POLR3B: variants seen among roughly 807,000 people sequenced by gnomAD.
The protein encoded by POLR3B is RNA polymerase III subunit B.
In POLR3B, 96 loss-of-function variants were observed where a neutral mutation model predicts 147.4. The observed-to-expected ratio is 0.65, with a 90% CI of 0.55 to 0.77. POLR3B has a LOEUF of 0.77. Among genes scored for constraint, POLR3B ranks in the 30% least tolerant of loss-of-function variants. The pLI is 0.00. For synonymous variants in POLR3B, 461 were observed against 485.9 expected (o/e 0.95, Z 0.67); for missense variants, 1,036 against 1,413.5 (o/e 0.73, Z 4.28).
At chr12:106,396,886 G>A (rs2036986065) in intron 10 of POLR3B, among the ~76,000 whole-genome samples, 1 of 152,128 alleles carries the variant, frequency 6.6e-6, no homozygotes, top group South Asian at 2.1e-4. Context: ...GAGGCCAAGA[G>A]TTGGAGACCA....
intron 24 of POLR3B, 53 bp from the exon 25 acceptor site, chr12:106,496,695 CAGAG>C: frequency 6.9e-7 from 1 of 1,444,636 alleles, no homozygotes; most frequent in Non-Finnish European, 9.7e-7. Flanking sequence ...GATAAATAAG[CAGAG>C]AGAGTGCTTG....
intron 25 of POLR3B, 39 bp from the exon 26 acceptor site, chr12:106,501,284 C>T (rs530793206): frequency 1.5e-6 from 2 of 1,328,590 alleles, no homozygotes; most frequent in East Asian, 4.6e-5. Flanking sequence ...TTAGCCCAAA[C>T]TTAGTTTCTT....
At chr12:106,453,669 C>T (rs2037828405) in intron 19 of POLR3B, among the ~76,000 whole-genome samples, 1 of 152,208 alleles carries the variant, frequency 6.6e-6, no homozygotes, top group African/African-American at 2.4e-5. Flanking sequence ...GTCCACAAGC[C>T]GAGGAGACTG....
At chr12:106,489,001 T>C (rs2038376702) in intron 23 of POLR3B, among the ~76,000 whole-genome samples, 1 of 152,076 alleles carries the variant, frequency 6.6e-6, no homozygotes, top group African/African-American at 2.4e-5. Flanking sequence ...ACTCCTTTGA[T>C]GTGGAGAGAA....
intron 19 of POLR3B, among the ~76,000 whole-genome samples, chr12:106,446,614 TTGTC>T (rs2037728910): frequency 6.6e-6 from 1 of 152,152 alleles, no homozygotes; most frequent in African/African-American, 2.4e-5. Context: ...TTGCAATTCA[TTGTC>T]TGTGTTTTCT....
At chr12:106,459,026 TGTG>T (rs2037900229) in intron 21 of POLR3B, among the ~76,000 whole-genome samples, 1 of 145,338 alleles carries the variant, frequency 6.9e-6, no homozygotes, top group South Asian at 2.2e-4. Context: ...TAGACTATGA[TGTG>T]TGTGTGTGTG....
Position 106,410,976 on chromosome 12 carries a change from A to G in POLR3B, c.1101+16A>G. The G allele has an allele frequency of 1.2e-6, 2 of 1,606,208 alleles. No individual in the cohort carries two copies. The highest frequency in any genetic ancestry group is 1.7e-6 in the Non-Finnish European group (2 of 1,173,328). Reference sequence around the variant, plus strand: ...GGCAGGACAGGTGATTTAATATTTTATGTCAGAAATCTTGTTTTCCTTAAT... The same window carrying G: ...GGCAGGACAGGTGATTTAATATTTTGTGTCAGAAATCTTGTTTTCCTTAAT... On this transcript the variant is annotated intron_variant, in intron 12 of 27. Coordinates refer to ENST00000228347, the MANE Select transcript of POLR3B (RefSeq NM_018082.6).
intron 23 of POLR3B, among the ~76,000 whole-genome samples, chr12:106,478,594 TC>T (rs781090101): frequency 3.7e-4 from 57 of 152,218 alleles, no homozygotes; most frequent in Admixed American, 3.2e-3. Context: ...TCTTACAGCT[TC>T]ATCAAATTTA....
chr12:106,464,050 T>A (rs2037974054), intron 23 of POLR3B, among the ~76,000 whole-genome samples: 1 of 152,080 alleles, frequency 6.6e-6, no homozygotes, highest in South Asian at 2.1e-4. Context: ...TGTTTACAGA[T>A]GAGGAAGTTC....
chr12:106,506,324 C>CA (rs2137092267), intron 27 of POLR3B, among the ~76,000 whole-genome samples: 1 of 152,218 alleles, frequency 6.6e-6, no homozygotes, highest in African/African-American at 2.4e-5. Flanking sequence ...ACAGAAGAAT[C>CA]ACGTCATTAA....
At chr12:106,381,007 G>A (rs1346460822) in intron 9 of POLR3B, among the ~76,000 whole-genome samples, 1 of 152,288 alleles carries the variant, frequency 6.6e-6, no homozygotes, top group East Asian at 1.9e-4. Context: ...ATAGCGTTAT[G>A]TATAAAAAAT....
chr12:106,500,685 C>T (rs1440595574), intron 25 of POLR3B, among the ~76,000 whole-genome samples: 1 of 152,060 alleles, frequency 6.6e-6, no homozygotes, highest in Non-Finnish European at 1.5e-5. Flanking sequence ...GCAAAGGAAA[C>T]GGTAAGTCAG....
rs763803191 is a variant in POLR3B at position 106,501,439 on chromosome 12, A to G, written c.3098+3A>G. On this transcript the variant is annotated splice_donor_region_variant and intron_variant, in intron 26 of 27. Coordinates refer to ENST00000228347, the MANE Select transcript of POLR3B (RefSeq NM_018082.6). ...GGCCCACGAGCCGTCCTTACCAGGT[A>G]AGAGAAAAGTACTTACAAAAAGAAT... is the stretch of plus-strand genomic sequence containing the variant. 4 of 1,538,186 alleles carry G rather than the reference A, an allele frequency of 2.6e-6. No homozygotes were observed. The South Asian group carries it at 4.5e-5, about 17-fold the overall frequency.
intron 9 of POLR3B, 75 bp downstream of exon 9, chr12:106,380,214 G>A (rs2036741175): frequency 1.2e-6 from 1 of 832,582 alleles, no homozygotes; most frequent in Admixed American, 1.9e-5. Context: ...TTAGAGATTT[G>A]GAGGGTAAGG....
intron 23 of POLR3B, among the ~76,000 whole-genome samples, chr12:106,490,252 A>G (rs186722004): frequency 8.8e-4 from 134 of 152,296 alleles, no homozygotes; most frequent in Admixed American, 2.9e-3. Context: ...AGCTCTTGAC[A>G]CATTCAGCCG....
rs557970332 is a variant in POLR3B, at chr12:106,509,921, A to G, written c.*372A>G. On this transcript the variant is annotated 3_prime_UTR_variant, in exon 28 of 28. Transcript: ENST00000228347. ...AATTTACCATATCTTCTGGCTAACCATATTCAAGATTCTTCTGAAACTTGG... is the reference window on the plus strand; with the variant it reads ...AATTTACCATATCTTCTGGCTAACCGTATTCAAGATTCTTCTGAAACTTGG... 203 of 195,666 alleles carry G rather than the reference A, an allele frequency of 1.0e-3. 1 individual carries two copies. The highest frequency in any genetic ancestry group is 1.9e-3 in the Non-Finnish European group (177 of 93,996). 12.1% of individuals were successfully genotyped at this position (195,666 alleles called of 1,614,324 possible).
intron 23 of POLR3B, among the ~76,000 whole-genome samples, chr12:106,483,922 A>G (rs1263065559): frequency 1.3e-5 from 2 of 152,198 alleles, no homozygotes; most frequent in African/African-American, 4.8e-5. Context: ...CAGAGAGAGA[A>G]AGGTCTTGAA....
At chr12:106,411,328 G>A (rs2037224126) in intron 12 of POLR3B, among the ~76,000 whole-genome samples, 2 of 151,964 alleles carry the variant, frequency 1.3e-5, no homozygotes, top group Admixed American at 6.6e-5. Context: ...GGTAGAGATG[G>A]GGTTTCTCCA....
intron 12 of POLR3B, among the ~76,000 whole-genome samples, chr12:106,425,411 C>T (rs1032866867): frequency 7.2e-5 from 11 of 152,108 alleles, no homozygotes; most frequent in African/African-American, 2.4e-4. Context: ...ACTGTAGGTG[C>T]AGAGTTTGTT....
Sources: gnomAD v4.1 joint callset for allele counts (sites outside exome capture counted in the v4.1 genomes callset) on GRCh38, gnomAD v4.1.1 for gene constraint, MANE v1.5 for transcripts, NCBI Gene and HGNC (gene_info 2026-07-23, HGNC 2026-07-21) for gene names.